SPHKAP: variants seen among roughly 807,000 people sequenced by gnomAD.
SPHKAP encodes the protein SPHK1 interactor, AKAP domain containing, also known as A-kinase anchor protein SPHKAP.
SPHKAP carries 67 observed loss-of-function variants against 137.5 expected under a neutral mutation model. The ratio of observed to expected loss-of-function variants is 0.49; its 90% confidence interval spans 0.40 to 0.60. The LOEUF (loss-of-function observed/expected upper bound fraction) is 0.60, where lower values mean the gene tolerates loss of function less well. Ranked by LOEUF, SPHKAP falls within the 20% of genes least tolerant of loss-of-function variation. The pLI, the probability that SPHKAP is intolerant of heterozygous loss-of-function variation, is 0.00. For synonymous variants in SPHKAP, 813 were observed against 785.3 expected, an observed-to-expected ratio of 1.04 and a Z score of -0.59; for missense variants, 2,097 against 2,069.3, an observed-to-expected ratio of 1.01 and a Z score of -0.26.
At chr2:228,110,635 T>C (rs1442516131) in intron 2 of SPHKAP, among the ~76,000 whole-genome samples, 1 of 152,150 alleles carries the variant, frequency 6.6e-6, no homozygotes, top group African/African-American at 2.4e-5. Flanking sequence ...TGTTATTTGT[T>C]CTTTTTGCTC....
chr2:228,041,920 TAGAAAC>T (rs1695867961), intron 3 of SPHKAP, among the ~76,000 whole-genome samples: 3 of 152,088 alleles, frequency 2.0e-5, no homozygotes, highest in South Asian at 2.1e-4. Flanking sequence ...AGGTGAGTCT[TAGAAAC>T]AGAGCAGCTA....
chr2:228,091,588 C>T (rs889870232), intron 3 of SPHKAP, among the ~76,000 whole-genome samples: 89 of 151,988 alleles, frequency 5.9e-4, no homozygotes, highest in African/African-American at 2.0e-3. Flanking sequence ...GCAAACAATC[C>T]CATTGAAAAG....
rs145083884 is a variant in SPHKAP at position 228,095,452 on chromosome 2, G to A, written c.246+13380C>T. The stretch of plus-strand genomic sequence containing the variant: ...AAAGGCAGGAGAAGAATTAAAGAGA[G>A]ACTAGTGTTTTTAAAGCCCTGGAGA... On this transcript the variant is annotated intron_variant, in intron 3 of 11. Transcript: ENST00000392056. 3.6e-3 allele frequency among the ~76,000 whole-genome samples: 552 copies of A among 152,294 alleles called. 5 individuals are homozygous for A. Among genetic ancestry groups the A allele is most frequent in the African/African-American group, 0.013 (531 of 41,548 alleles).
At chr2:228,137,265 A>T (rs1699463411) in intron 1 of SPHKAP, among the ~76,000 whole-genome samples, 1 of 152,226 alleles carries the variant, frequency 6.6e-6, no homozygotes, top group African/African-American at 2.4e-5. Flanking sequence ...GGACAGCGCC[A>T]GTCAGTGGGA....
chr2:228,063,582 T>C (rs1455048034), intron 3 of SPHKAP, among the ~76,000 whole-genome samples: 1 of 152,210 alleles, frequency 6.6e-6, no homozygotes, highest in African/African-American at 2.4e-5. Flanking sequence ...TGGACAATAT[T>C]ATGAACATAG....
intron 7 of SPHKAP, 90 bp from the exon 8 acceptor site, chr2:227,995,784 A>T: frequency 7.2e-7 from 1 of 1,383,892 alleles, no homozygotes; most frequent in Non-Finnish European, 9.5e-7. Flanking sequence ...AGTCCCAATA[A>T]ACAGGATGTC....
intron 7 of SPHKAP, among the ~76,000 whole-genome samples, chr2:228,011,121 G>T (rs1694348583): frequency 6.6e-6 from 1 of 152,148 alleles, no homozygotes; most frequent in African/African-American, 2.4e-5. Flanking sequence ...TGGACCACAA[G>T]TATAATGCAA....
intron 3 of SPHKAP, among the ~76,000 whole-genome samples, chr2:228,098,133 G>A (rs919397309): frequency 4.9e-5 from 7 of 143,008 alleles, no homozygotes; most frequent in South Asian, 2.2e-4. Flanking sequence ...TTTCTGCAAC[G>A]TTGCCAACAT....
At chr2:228,098,358 A>C (rs1287873959) in intron 3 of SPHKAP, among the ~76,000 whole-genome samples, 1 of 152,182 alleles carries the variant, frequency 6.6e-6, no homozygotes, top group African/African-American at 2.4e-5. Flanking sequence ...ACTTGGAACC[A>C]ACCCAAATGT....
chr2:228,108,290 T>C (rs2106346883), intron 3 of SPHKAP, among the ~76,000 whole-genome samples: 1 of 152,324 alleles, frequency 6.6e-6, no homozygotes, highest in Non-Finnish European at 1.5e-5. Flanking sequence ...AAGAATTATA[T>C]TGTTTTTCTG....
At chr2:228,169,233 TA>T (rs1182427943) in intron 1 of SPHKAP, among the ~76,000 whole-genome samples, 2 of 152,182 alleles carry the variant, frequency 1.3e-5, no homozygotes, top group Non-Finnish European at 2.9e-5. Context: ...GTGGCTTCAA[TA>T]AACAACAGAT....
chr2:228,135,564 G>A (rs1454838990), intron 1 of SPHKAP, among the ~76,000 whole-genome samples: 1 of 152,120 alleles, frequency 6.6e-6, no homozygotes, highest in African/African-American at 2.4e-5. Context: ...CAGATATCTT[G>A]GTATGAAAGT....
chr2:228,068,608 A>C (rs1004447523), intron 3 of SPHKAP, among the ~76,000 whole-genome samples: 1 of 152,224 alleles, frequency 6.6e-6, no homozygotes, highest in Admixed American at 6.5e-5. Flanking sequence ...GAGTCTCTTT[A>C]ATAAATGGTG....
At position 228,042,230 on chromosome 2, in the gene SPHKAP, C is replaced by T. The variant is rs577205895; in HGVS notation, c.247-14687G>A. ...CACTTAACCTGCCTGCATGGCACAT[C>T]AGAATCATCTGGACGGAGTTCTTAC... On this transcript the variant is annotated intron_variant, in intron 3 of 11. Coordinates refer to ENST00000392056, the MANE Select transcript of SPHKAP (RefSeq NM_001142644.2). Among the ~76,000 whole-genome samples, 11 of 152,314 alleles carry T rather than the reference C, an allele frequency of 7.2e-5. 1 individual carries two copies. The South Asian group carries it at 2.1e-3, about 29-fold the overall frequency.
intron 3 of SPHKAP, among the ~76,000 whole-genome samples, chr2:228,069,598 G>T (rs1482647766): frequency 6.6e-6 from 1 of 151,132 alleles, no homozygotes; most frequent in African/African-American, 2.4e-5. Context: ...TTATTTAAAA[G>T]AAGTTTTTTT....
rs374829254 is a variant in SPHKAP at position 228,180,670 on chromosome 2, C to T, written c.32+897G>A. On this transcript the variant is annotated intron_variant, in intron 1 of 11. Transcript: ENST00000392056. ...GCAACAGCATCCTTGGCTCCCGGCG[C>T]GAGCGCTCCGCGCCCAGCGAGCGCA... Among the ~76,000 whole-genome samples the T allele has an allele frequency of 6.6e-5, 10 of 152,204 alleles. No individual in the cohort carries two copies. In the East Asian group the frequency reaches 1.5e-3, roughly 24 times the overall value.
chr2:228,176,399 A>T (rs1388963402), intron 1 of SPHKAP, among the ~76,000 whole-genome samples: 2 of 152,218 alleles, frequency 1.3e-5, no homozygotes, highest in Non-Finnish European at 2.9e-5. Context: ...AGGTTGTGGC[A>T]TTATAGAAGA....
chr2:228,035,775 A>T (rs553295747), intron 3 of SPHKAP, among the ~76,000 whole-genome samples: 2 of 152,338 alleles, frequency 1.3e-5, no homozygotes, highest in South Asian at 4.1e-4. Context: ...AAAACAAGCA[A>T]TGGGGAAAGG....
At chr2:228,060,421 C>T (rs1451977839) in intron 3 of SPHKAP, among the ~76,000 whole-genome samples, 1 of 152,042 alleles carries the variant, frequency 6.6e-6, no homozygotes, top group Non-Finnish European at 1.5e-5. Flanking sequence ...AATAATTAAG[C>T]AGTGAAAGAA....
Sources: gnomAD v4.1 joint callset for allele counts (sites outside exome capture counted in the v4.1 genomes callset) on GRCh38, gnomAD v4.1.1 for gene constraint, MANE v1.5 for transcripts, NCBI Gene and HGNC (gene_info 2026-07-23, HGNC 2026-07-21) for gene names.